The following NAV3 variants were observed in gnomAD, a reference collection of about 807,000 sequenced individuals.
NAV3 encodes the protein neuron navigator 3.
NAV3 carries 87 observed loss-of-function variants against 244.7 expected under a neutral mutation model. That is an observed-to-expected ratio of 0.36 (90% confidence interval 0.30 to 0.42). The LOEUF (loss-of-function observed/expected upper bound fraction) is 0.42, where lower values mean the gene tolerates loss of function less well. Ranked by LOEUF, NAV3 falls within the 20% of genes least tolerant of loss-of-function variation. The pLI is 1.00. For synonymous variants in NAV3, 1,126 were observed against 1,042.2 expected (o/e 1.08, Z -1.55); for missense variants, 2,663 against 2,893.3 (o/e 0.92, Z 1.83).
intron 7 of NAV3, among the ~76,000 whole-genome samples, chr12:78,003,569 A>G (rs1283260323): frequency 6.6e-6 from 1 of 152,236 alleles, no homozygotes; most frequent in East Asian, 1.9e-4. Context: ...ATTAAGAATC[A>G]TCTCTATGTC....
intron 2 of NAV3, among the ~76,000 whole-genome samples, chr12:77,637,132 AG>A (rs1872193331): frequency 6.6e-6 from 1 of 152,246 alleles, no homozygotes; most frequent in South Asian, 2.1e-4. Context: ...CAGAACTTAA[AG>A]TATAATAAAA....
At chr12:77,917,416 A>T (rs973495612) in intron 1 of NAV3, among the ~76,000 whole-genome samples, 11 of 152,140 alleles carry the variant, frequency 7.2e-5, no homozygotes, top group African/African-American at 2.2e-4. Flanking sequence ...AAAAAACACC[A>T]TGTAAAAAAG....
intron 2 of NAV3, among the ~76,000 whole-genome samples, chr12:77,672,558 G>A (rs1180171513): frequency 6.6e-6 from 1 of 152,052 alleles, no homozygotes; most frequent in Non-Finnish European, 1.5e-5. Flanking sequence ...GTATGTGTGT[G>A]TGTGTGTATA....
rs370330221 is a variant in NAV3, at chr12:77,925,525, T to G, written c.244-14794T>G. Among the ~76,000 whole-genome samples, 93 of 71,628 alleles carry G rather than the reference T, an allele frequency of 1.3e-3. 4 individuals carry two copies. The South Asian group carries it at 0.039, about 30-fold the overall frequency. 47.0% of individuals were successfully genotyped at this position (71,628 alleles called of 152,430 possible). A position where few individuals can be genotyped will look rare whatever the true frequency, so the allele number is the denominator to read the frequency against. On this transcript the variant is annotated intron_variant, in intron 1 of 39. Coordinates refer to ENST00000397909, the MANE Select transcript of NAV3 (RefSeq NM_001024383.2). ...GTGGTGCATTACAAATGAAAGGATT[T>G]TAGGATGAAAAGGCGGGGGGAGGTT...
intron 3 of NAV3, among the ~76,000 whole-genome samples, chr12:77,962,254 A>T (rs11107563): frequency 6.6e-6 from 1 of 151,758 alleles, no homozygotes; most frequent in Non-Finnish European, 1.5e-5. Context: ...CACCCTCAAG[A>T]CTTCATTCAC....
chr12:78,123,297 C>G (rs796107946), intron 16 of NAV3, among the ~76,000 whole-genome samples: 56 of 152,074 alleles, frequency 3.7e-4, no homozygotes, highest in African/African-American at 1.3e-3. Flanking sequence ...ATACTGGTCA[C>G]GTAAAATACC....
intron 9 of NAV3, chr12:78,037,489 C>A: frequency 1.7e-6 from 1 of 594,708 alleles, no homozygotes. Context: ...TGTTTTTAGA[C>A]TGATTTTTAA....
intron 21 of NAV3, among the ~76,000 whole-genome samples, chr12:78,146,681 G>A (rs757612841): frequency 6.6e-6 from 1 of 152,066 alleles, no homozygotes; most frequent in Admixed American, 6.6e-5. Flanking sequence ...ATAAATGAAG[G>A]TCTATGGTCT....
chr12:78,068,355 T>C (rs1258978069), intron 12 of NAV3, among the ~76,000 whole-genome samples: 8 of 151,342 alleles, frequency 5.3e-5, no homozygotes, highest in Non-Finnish European at 1.0e-4. Context: ...TTTGACTTCA[T>C]AAATTATTTA....
chr12:77,937,132 T>G (rs1889401002), intron 1 of NAV3, among the ~76,000 whole-genome samples: 1 of 152,186 alleles, frequency 6.6e-6, no homozygotes, highest in Non-Finnish European at 1.5e-5. Context: ...ACAAATAAAG[T>G]GTACTACAAT....
intron 2 of NAV3, among the ~76,000 whole-genome samples, chr12:77,673,859 T>A (rs1161473218): frequency 6.6e-6 from 1 of 152,186 alleles, no homozygotes; most frequent in African/African-American, 2.4e-5. Flanking sequence ...CTCTTGCTTT[T>A]TAAAGTGGTA....
At chr12:77,833,849 A>T (rs1412502247) in intron 1 of NAV3, among the ~76,000 whole-genome samples, 2 of 150,238 alleles carry the variant, frequency 1.3e-5, no homozygotes, top group Non-Finnish European at 3.0e-5. Context: ...CAGCAGCCAG[A>T]CTCTCCTCTG....
At chr12:77,580,404 T>C (rs1869308446) in intron 2 of NAV3, among the ~76,000 whole-genome samples, 1 of 152,216 alleles carries the variant, frequency 6.6e-6, no homozygotes, top group South Asian at 2.1e-4. Flanking sequence ...CACCGTCTGC[T>C]GGTTCCCTGG....
intron 2 of NAV3, among the ~76,000 whole-genome samples, chr12:77,667,633 C>G (rs750594655): frequency 2.3e-4 from 35 of 152,096 alleles, no homozygotes; most frequent in Non-Finnish European, 4.4e-4. Context: ...CTCAGACATA[C>G]CCATCCCTGC....
intron 1 of NAV3, among the ~76,000 whole-genome samples, chr12:77,926,063 C>T (rs1888185280): frequency 6.6e-6 from 1 of 152,100 alleles, no homozygotes; most frequent in African/African-American, 2.4e-5. Context: ...TGCTCCCTGT[C>T]AACTGATGGC....
chr12:78,007,191 T>C lies in NAV3; in HGVS notation c.1653T>C (p.Ser551=), dbSNP rs746334714. 6.2e-7 allele frequency: 1 copy of C among 1,614,138 alleles called. No individual in the cohort carries two copies. The highest frequency in any genetic ancestry group is 8.5e-7 in the Non-Finnish European group (1 of 1,180,008). Reference sequence around the variant, plus strand: ...CTGGCAGCACAGCAAGCAAAGAGTCTGAGAAATTCAGGACTACCAAGGGGA... The same window carrying C: ...CTGGCAGCACAGCAAGCAAAGAGTCCGAGAAATTCAGGACTACCAAGGGGA... ...ISPGSTASKE[S]EKFRTTKGSP... The change falls in exon 8 of 40, where the codon TCT becomes TCC. Residue 551 remains serine, a synonymous_variant. Transcript: ENST00000397909.
At chr12:77,980,917 A>G (rs1177807745) in intron 5 of NAV3, among the ~76,000 whole-genome samples, 4 of 152,128 alleles carry the variant, frequency 2.6e-5, no homozygotes, top group Admixed American at 2.6e-4. Flanking sequence ...CTCTTTAGTT[A>G]CTGTTTTGAG....
At chr12:77,823,398 A>G (rs1158103032) in intron 2 of NAV3, among the ~76,000 whole-genome samples, 2 of 152,210 alleles carry the variant, frequency 1.3e-5, no homozygotes, top group African/African-American at 2.4e-5. Flanking sequence ...CAGAGGACTT[A>G]TAGAGGAAAC....
chr12:78,123,485 C>A (rs1352461747), intron 16 of NAV3, among the ~76,000 whole-genome samples: 1 of 152,034 alleles, frequency 6.6e-6, no homozygotes, highest in African/African-American at 2.4e-5. Flanking sequence ...GCCAGTTTCC[C>A]TTTAATGTAG....
Sources: gnomAD v4.1 joint callset for allele counts (sites outside exome capture counted in the v4.1 genomes callset) on GRCh38, gnomAD v4.1.1 for gene constraint, MANE v1.5 for transcripts, NCBI Gene and HGNC (gene_info 2026-07-23, HGNC 2026-07-21) for gene names.